The following LAMP2 variants were observed in gnomAD, a reference collection of about 807,000 sequenced individuals.
LAMP2 encodes the protein lysosome associated membrane protein 2.
A neutral mutation model predicts 25.6 loss-of-function variants in LAMP2; 4 were observed. The ratio of observed to expected loss-of-function variants is 0.16; its 90% CI spans 0.08 to 0.36. The LOEUF (loss-of-function observed/expected upper bound fraction) is 0.36, where lower values mean the gene tolerates loss of function less well. LAMP2 is among the 10% of genes least tolerant of loss of function. The pLI, the probability that LAMP2 is intolerant of heterozygous loss-of-function variation, is 1.00. For missense variants in LAMP2, 272 were observed against 301.4 expected, an observed-to-expected ratio of 0.90 and a Z score of 0.72; for synonymous variants, 108 against 112.7, an observed-to-expected ratio of 0.96 and a Z score of 0.27.
rs1388621940 is a variant in LAMP2, at chrX:120,427,046, G to A, written c.*4277C>T. 9.0e-6 allele frequency among the ~76,000 whole-genome samples: 1 copy of A among 111,634 alleles called. No homozygotes were observed. The highest frequency in any genetic ancestry group is 1.9e-5 in the Non-Finnish European group (1 of 53,092). On this transcript the variant is annotated 3_prime_UTR_variant, in exon 9 of 9. Coordinates refer to ENST00000200639, the MANE Select transcript of LAMP2 (RefSeq NM_002294.3). ...AGTTATTGGCAAAGGGTTCTGGCAT[G>A]AGTTAATGGCAGCAATACAGTGGTG...
In LAMP2 at chrX:120,428,641, CA is replaced by C. The variant is rs2058508238; in HGVS notation, c.*2681del. On this transcript the variant is annotated 3_prime_UTR_variant, in exon 9 of 9. Transcript: ENST00000200639. The stretch of plus-strand genomic sequence containing the variant: ...ACATTCTTCAGCTGTTAGAAAAGAA[CA>C]GACAGCAAGGAAAGGAAATTAGCAA... 8.6e-7 allele frequency: 1 copy of C among 1,158,947 alleles called. No individual in the cohort carries two copies. The highest frequency in any genetic ancestry group is 1.8e-5 in the African/African-American group (1 of 54,700).
rs933732361 is a variant in LAMP2 at position 120,439,400 on chromosome X, C to T, written c.1093+2330G>A. The T allele has an allele frequency of 5.8e-5, 40 of 690,405 alleles. No individual in the cohort carries two copies. In the Admixed American group the frequency reaches 7.1e-4, roughly 12 times the overall value. 56.9% of individuals were successfully genotyped at this position (690,405 alleles called of 1,213,427 possible). ...GTCAGAAATGTTCTTACAAGATCAA[C>T]TTCAAGTAACTAAGACAGGTATATT... On this transcript the variant is annotated intron_variant, in intron 8 of 8. Coordinates refer to ENST00000200639, the MANE Select transcript of LAMP2 (RefSeq NM_002294.3).
intron 8 of LAMP2, chrX:120,437,195 A>G (rs2058548535): frequency 1.3e-6 from 1 of 747,208 alleles, no homozygotes; most frequent in African/African-American, 2.3e-5. Context: ...TTTCAGGCTA[A>G]ACAAAGAACA....
intron 4 of LAMP2, 128 bp downstream of exon 4, chrX:120,448,842 T>C (rs2058609269): frequency 3.5e-6 from 2 of 564,988 alleles, no homozygotes; most frequent in Non-Finnish European, 5.8e-6. Flanking sequence ...AAAAACTTTA[T>C]AGCCTAGTAG....
chrX:120,455,924 A>C (rs1921072725), intron 2 of LAMP2, among the ~76,000 whole-genome samples: 1 of 81,933 alleles, frequency 1.2e-5, no homozygotes, highest in African/African-American at 4.5e-5. Flanking sequence ...GGTTGGTGCA[A>C]AAGTAATTGC....
rs1400094556 is a variant in LAMP2, at chrX:120,447,843, T to C, written c.739A>G (p.Lys247Glu). Residue 247 changes from lysine to glutamate, a missense_variant and splice_region_variant, in exon 5 of 9, where the codon AAG (lysine) becomes GAG (glutamate). Coordinates refer to ENST00000200639, the MANE Select transcript of LAMP2 (RefSeq NM_002294.3). ...MGLQLNITQD[K>E]VASVININPN... ...TTGATAAAGATAGACACCTATACCTTATCCTGAGTGATGTTCAGCTGCAGC... is the reference window on the plus strand; with the variant it reads ...TTGATAAAGATAGACACCTATACCTCATCCTGAGTGATGTTCAGCTGCAGC... 11 of 1,207,047 alleles carry C rather than the reference T, an allele frequency of 9.1e-6. No homozygotes were observed. The South Asian group carries it at 1.8e-4, about 19-fold the overall frequency.
At chrX:120,459,543 G>A (rs1921234547) in intron 1 of LAMP2, among the ~76,000 whole-genome samples, 1 of 112,696 alleles carries the variant, frequency 8.9e-6, no homozygotes, top group Admixed American at 9.4e-5. Context: ...ACACTTGGCA[G>A]TGGTAGTGCA....
chrX:120,452,602 G>A (rs1363527879), intron 3 of LAMP2, among the ~76,000 whole-genome samples: 2 of 108,651 alleles, frequency 1.8e-5, no homozygotes, highest in Non-Finnish European at 3.8e-5. Flanking sequence ...CCCAGGCTGA[G>A]TGTAGTGGTG....
At chrX:120,444,750 C>T (rs2058588930) in intron 6 of LAMP2, among the ~76,000 whole-genome samples, 1 of 112,058 alleles carries the variant, frequency 8.9e-6, no homozygotes, top group African/African-American at 3.2e-5. Flanking sequence ...CCCATTACCA[C>T]TAAACTGTGG....
At chrX:120,457,652 T>C (rs969444540) in intron 1 of LAMP2, among the ~76,000 whole-genome samples, 8 of 112,316 alleles carry the variant, frequency 7.1e-5, no homozygotes, top group African/African-American at 2.6e-4. Context: ...AAACATTATC[T>C]ATTAAACTGA....
chrX:120,439,365 T>C (rs1389883653), intron 8 of LAMP2: 1 of 1,015,902 alleles, frequency 9.8e-7, no homozygotes, highest in Non-Finnish European at 1.4e-6. Flanking sequence ...TCAAAGATGT[T>C]GATTTAAAAG....
chrX:120,456,440 T>A (rs763383939), intron 2 of LAMP2, among the ~76,000 whole-genome samples: 1 of 111,290 alleles, frequency 9.0e-6, no homozygotes, highest in African/African-American at 3.3e-5. Context: ...AATCAAGTCC[T>A]ACAAAAACTC....
chrX:120,466,768 C>T (rs745773000), intron 1 of LAMP2, among the ~76,000 whole-genome samples: 11 of 110,371 alleles, frequency 1.0e-4, no homozygotes, highest in Non-Finnish European at 2.1e-4. Flanking sequence ...TCACATGTTA[C>T]GTAGCCACTG....
At chrX:120,436,421 C>T in intron 8 of LAMP2, 2 of 628,877 alleles carry the variant, frequency 3.2e-6, no homozygotes, top group Non-Finnish European at 3.8e-6. Flanking sequence ...TAAAGTTTTT[C>T]CATTTGAAAG....
intron 1 of LAMP2, among the ~76,000 whole-genome samples, chrX:120,464,390 C>G (rs919064255): frequency 1.8e-5 from 2 of 111,419 alleles, no homozygotes. Context: ...AAATTCACTA[C>G]GGGTTAACCA....
At chrX:120,444,255 A>G (rs1027497797) in intron 6 of LAMP2, among the ~76,000 whole-genome samples, 3 of 111,320 alleles carry the variant, frequency 2.7e-5, no homozygotes, top group Non-Finnish European at 5.7e-5. Flanking sequence ...GACAGACTTC[A>G]GAGAAATTTC....
Position 120,449,036 on chromosome X carries a change from C to T in LAMP2, c.490G>A (p.Val164Ile), listed in dbSNP as rs1242313514. ...NSLSTLEKND[V>I]VQHYWDVLVQ... ...AGAACATCCCAGTAGTGTTGGACAA[C>T]ATCATTCTTTTCCAAAGTTGATAAA... is the stretch of plus-strand genomic sequence containing the variant. The change falls in exon 4 of 9, where the codon GTT (valine) becomes ATT (isoleucine). Residue 164 changes from valine to isoleucine, a missense_variant. Coordinates refer to ENST00000200639, the MANE Select transcript of LAMP2 (RefSeq NM_002294.3). 4 of 1,208,137 alleles carry T rather than the reference C, an allele frequency of 3.3e-6. No individual in the cohort carries two copies. Among genetic ancestry groups the T allele is most frequent in the South Asian group, 3.5e-5 (2 of 56,903 alleles).
At position 120,436,575 on chromosome X, in the gene LAMP2, A is replaced by C. The variant is rs1047985231; in HGVS notation, c.1094-5113T>G. ...ACAGGCAAATATCTAAAGATACCATACATCAACTAGTGGTTTAAACATTTG... is the reference window on the plus strand; with the variant it reads ...ACAGGCAAATATCTAAAGATACCATCCATCAACTAGTGGTTTAAACATTTG... On this transcript the variant is annotated intron_variant, in intron 8 of 8. Transcript: ENST00000200639. The C allele has an allele frequency of 1.9e-5, 14 of 737,506 alleles. No homozygotes were observed. The African/African-American group carries it at 3.0e-4, about 16-fold the overall frequency. 60.8% of individuals were successfully genotyped at this position (737,506 alleles called of 1,213,427 possible).
chrX:120,468,676 T>A (rs1468667389), intron 1 of LAMP2, among the ~76,000 whole-genome samples: 2 of 110,728 alleles, frequency 1.8e-5, no homozygotes, highest in African/African-American at 6.6e-5. Context: ...CTTAATTTCC[T>A]ATCTCACCCC....
Sources: gnomAD v4.1 joint callset for allele counts (sites outside exome capture counted in the v4.1 genomes callset) on GRCh38, gnomAD v4.1.1 for gene constraint, MANE v1.5 for transcripts, NCBI Gene and HGNC (gene_info 2026-07-23, HGNC 2026-07-21) for gene names.